DGKB: variants seen among roughly 807,000 people sequenced by gnomAD.
DGKB encodes 90 kDa diacylglycerol kinase.
A neutral mutation model predicts 114.3 loss-of-function variants in DGKB; 67 were observed. The observed-to-expected ratio is 0.59, with a 90% CI of 0.48 to 0.72. DGKB has a LOEUF of 0.72. DGKB is among the 30% of genes least tolerant of loss of function. DGKB has a pLI of 0.00. For missense variants in DGKB, 907 were observed against 975.2 expected, an observed-to-expected ratio of 0.93 and a Z score of 0.93; for synonymous variants, 398 against 323.1, an observed-to-expected ratio of 1.23 and a Z score of -2.49.
At chr7:14,459,727 A>C (rs1023237985) in intron 21 of DGKB, among the ~76,000 whole-genome samples, 2 of 152,194 alleles carry the variant, frequency 1.3e-5, no homozygotes, top group African/African-American at 4.8e-5. Context: ...CCAACATTCA[A>C]ATTCAGGAAA....
intron 1 of DGKB, among the ~76,000 whole-genome samples, chr7:14,860,141 A>G (rs1295253761): frequency 6.6e-6 from 1 of 152,088 alleles, no homozygotes; most frequent in Non-Finnish European, 1.5e-5. Flanking sequence ...TATGCCAAGT[A>G]TTTTCCTTGT....
chr7:14,512,468 C>T (rs1788127737), intron 20 of DGKB, among the ~76,000 whole-genome samples: 1 of 152,148 alleles, frequency 6.6e-6, no homozygotes, highest in Non-Finnish European at 1.5e-5. Flanking sequence ...TAAAGTTCAA[C>T]TTGTACATCA....
intron 20 of DGKB, among the ~76,000 whole-genome samples, chr7:14,544,208 A>G (rs921061750): frequency 6.6e-6 from 1 of 152,178 alleles, no homozygotes; most frequent in African/African-American, 2.4e-5. Context: ...TATAAGATAA[A>G]GGAAGAAAAA....
At chr7:14,919,780 C>A (rs1043160136) in intron 1 of DGKB, among the ~76,000 whole-genome samples, 2 of 152,156 alleles carry the variant, frequency 1.3e-5, no homozygotes, top group African/African-American at 4.8e-5. Context: ...GTGCCATCCC[C>A]TTCATGATGA....
Position 14,148,886 on chromosome 7 carries a change from G to T in DGKB, c.*245C>A, listed in dbSNP as rs536805300. 4.0e-6 allele frequency: 2 copies of T among 499,818 alleles called. No individual in the cohort carries two copies. Among genetic ancestry groups the T allele is most frequent in the African/African-American group, 2.0e-5 (1 of 49,522 alleles). The allele number at this position is 499,818 out of a possible 1,614,324, so 31.0% of individuals were successfully genotyped here. ...GATGTAAAAATCTATGGGAATGCATGCACCAAAAATATGCAGTATCACTTC... is the reference window on the plus strand; with the variant it reads ...GATGTAAAAATCTATGGGAATGCATTCACCAAAAATATGCAGTATCACTTC... On this transcript the variant is annotated 3_prime_UTR_variant, in exon 26 of 26. Transcript: ENST00000402815.
chr7:14,538,718 A>G (rs1792940235), intron 20 of DGKB, among the ~76,000 whole-genome samples: 1 of 152,210 alleles, frequency 6.6e-6, no homozygotes, highest in African/African-American at 2.4e-5. Context: ...TAGCCAAGAC[A>G]TGAAAACAAC....
At chr7:14,778,353 CTT>C (rs1325322903) in intron 2 of DGKB, among the ~76,000 whole-genome samples, 2 of 151,808 alleles carry the variant, frequency 1.3e-5, no homozygotes, top group Non-Finnish European at 1.5e-5. Flanking sequence ...GACCTGTTTT[CTT>C]GTTTTTTTTT....
chr7:14,636,627 G>C (rs1425981014), intron 13 of DGKB, among the ~76,000 whole-genome samples: 1 of 151,790 alleles, frequency 6.6e-6, no homozygotes, highest in East Asian at 1.9e-4. Context: ...GAATCTTTAA[G>C]AATTGGGTAG....
intron 23 of DGKB, among the ~76,000 whole-genome samples, chr7:14,227,970 A>G (rs368197160): frequency 6.6e-6 from 1 of 152,066 alleles, no homozygotes; most frequent in African/African-American, 2.4e-5. Context: ...TGACAAGAAT[A>G]TCAATTAAGA....
chr7:14,368,384 A>G (rs1370163163), intron 21 of DGKB, among the ~76,000 whole-genome samples: 3 of 152,076 alleles, frequency 2.0e-5, no homozygotes, highest in Admixed American at 2.0e-4. Context: ...ACTCATCCAG[A>G]TTTTTTTAGG....
chr7:14,260,066 A>C (rs1445193147), intron 23 of DGKB, among the ~76,000 whole-genome samples: 1 of 150,456 alleles, frequency 6.6e-6, no homozygotes, highest in Admixed American at 6.7e-5. Flanking sequence ...ATTAAAACAC[A>C]TATACATCCC....
intron 23 of DGKB, among the ~76,000 whole-genome samples, chr7:14,192,641 T>C (rs1784469847): frequency 6.6e-6 from 1 of 152,072 alleles, no homozygotes; most frequent in African/African-American, 2.4e-5. Flanking sequence ...TGGATGACAG[T>C]TTTTCCACAG....
At chr7:14,958,479 C>CT (rs1430779610) in intron 1 of DGKB, among the ~76,000 whole-genome samples, 1 of 99,816 alleles carries the variant, frequency 1.0e-5, no homozygotes, top group Non-Finnish European at 2.1e-5. Context: ...ACACACACCC[C>CT]GTCCAGGAGA....
chr7:14,552,406 A>T (rs1795227035), intron 20 of DGKB, among the ~76,000 whole-genome samples: 1 of 152,236 alleles, frequency 6.6e-6, no homozygotes, highest in Non-Finnish European at 1.5e-5. Context: ...TGTCAGAAGT[A>T]GTTAAGAAAT....
chr7:14,296,927 C>T (rs1223659290), intron 23 of DGKB, among the ~76,000 whole-genome samples: 1 of 152,064 alleles, frequency 6.6e-6, no homozygotes, highest in African/African-American at 2.4e-5. Flanking sequence ...ACTATAAACA[C>T]ATCTACGCAA....
At chr7:14,894,338 C>T (rs1033972644) in intron 1 of DGKB, among the ~76,000 whole-genome samples, 8 of 151,416 alleles carry the variant, frequency 5.3e-5, no homozygotes, top group East Asian at 3.9e-4. Flanking sequence ...ATCAGCAAAA[C>T]GCATATTAGA....
intron 23 of DGKB, among the ~76,000 whole-genome samples, chr7:14,292,375 G>A (rs17711148): frequency 0.18 from 28,045 of 152,048 alleles, 3,049 homozygotes; most frequent in Non-Finnish European, 0.24. Flanking sequence ...TATTTTATGT[G>A]TATTCAAGCT....
chr7:14,233,574 G>T (rs1039815664), intron 23 of DGKB, among the ~76,000 whole-genome samples: 1 of 152,022 alleles, frequency 6.6e-6, no homozygotes, highest in Non-Finnish European at 1.5e-5. Context: ...TTGAAGGAAG[G>T]TTGATAAAGC....
At chr7:14,356,181 A>C (rs189547474) in intron 21 of DGKB, among the ~76,000 whole-genome samples, 33 of 151,706 alleles carry the variant, frequency 2.2e-4, no homozygotes, top group African/African-American at 8.0e-4. Context: ...CTTCTTTATT[A>C]GTCTTTCTAG....
Sources: gnomAD v4.1 joint callset for allele counts (sites outside exome capture counted in the v4.1 genomes callset) on GRCh38, gnomAD v4.1.1 for gene constraint, MANE v1.5 for transcripts, NCBI Gene and HGNC (gene_info 2026-07-23, HGNC 2026-07-21) for gene names.